Variants in PTPRG observed in about 807,000 individuals in gnomAD.
PTPRG encodes the protein protein tyrosine phosphatase receptor type G.
Under a neutral mutation model 165.3 loss-of-function variants are expected in PTPRG, and 102 were observed. The observed-to-expected ratio is 0.62, with a 90% CI of 0.53 to 0.73. The LOEUF is 0.73. Among genes scored for constraint, PTPRG ranks in the 30% least tolerant of loss-of-function variants. The pLI is 0.00. For synonymous variants in PTPRG, 675 were observed against 669.5 expected (o/e 1.01, Z -0.13); for missense variants, 1,866 against 1,861.4 (o/e 1.00, Z -0.05).
chr3:61,851,679 TGA>T (rs2036969095), intron 2 of PTPRG, among the ~76,000 whole-genome samples: 1 of 152,208 alleles, frequency 6.6e-6, no homozygotes, highest in South Asian at 2.1e-4. Context: ...TTAAAATGCC[TGA>T]GAATTGTCAT....
At chr3:62,090,020 G>A (rs773088651) in intron 5 of PTPRG, among the ~76,000 whole-genome samples, 1 of 152,130 alleles carries the variant, frequency 6.6e-6, no homozygotes, top group African/African-American at 2.4e-5. Flanking sequence ...ATTTAATATA[G>A]CCCTTTGGTT....
At position 62,218,955 on chromosome 3, in the gene PTPRG, C is replaced by A; in HGVS notation, c.2260C>A (p.Leu754Ile). The change falls in exon 13 of 30, where the codon CTT becomes ATT. Residue 754 changes from leucine (L) to isoleucine (I), a missense_variant. Physicochemically the swap from Leu to Ile is conservative, Grantham distance 5. Coordinates refer to ENST00000474889, the MANE Select transcript of PTPRG (RefSeq NM_002841.4). Reference protein sequence around the residue: ...VSALTFVCLILLIAVLVYWRG... With the variant: ...VSALTFVCLIILIAVLVYWRG... The stretch of plus-strand genomic sequence containing the variant: ...AGCCTTGACCTTCGTGTGCCTCATC[C>A]TTCTCATTGCTGTGCTCGTTTACTG... The A allele has an allele frequency of 1.9e-6, 3 of 1,614,100 alleles. No individual in the cohort carries two copies. Among genetic ancestry groups the A allele is most frequent in the Non-Finnish European group, 8.5e-7 (1 of 1,179,992 alleles).
chr3:61,864,474 C>T (rs1205860098), intron 2 of PTPRG, among the ~76,000 whole-genome samples: 1 of 152,118 alleles, frequency 6.6e-6, no homozygotes, highest in Non-Finnish European at 1.5e-5. Flanking sequence ...AGCAAAGTAA[C>T]GGAACTGAGC....
intron 10 of PTPRG, 46 bp from the exon 11 acceptor site, chr3:62,201,459 C>T (rs970951874): frequency 1.3e-6 from 2 of 1,493,292 alleles, no homozygotes; most frequent in Non-Finnish European, 9.2e-7. Context: ...TTGTTAGAGC[C>T]ACAAAAAAAG....
chr3:61,657,986 T>C (rs1342548312), intron 1 of PTPRG, among the ~76,000 whole-genome samples: 14 of 152,032 alleles, frequency 9.2e-5, no homozygotes, highest in Admixed American at 9.2e-4. Context: ...ACAGTGGTTA[T>C]GGTGCTTCCC....
Position 62,269,125 on chromosome 3 carries a change from T to TAC in PTPRG, c.2968_2969dup (p.Val991LeufsTer12). 6.2e-7 allele frequency: 1 copy of TAC among 1,601,918 alleles called. No individual in the cohort carries two copies. Among genetic ancestry groups the TAC allele is most frequent in the Non-Finnish European group, 8.5e-7 (1 of 1,171,122 alleles). On this transcript the variant is annotated frameshift_variant, in exon 20 of 30. Transcript: ENST00000474889. LOFTEE classifies it high-confidence loss of function. The stretch of plus-strand genomic sequence containing the variant: ...GAAGAGCACAAAAATACATGCCTGC[T>TAC]ACACTGTTCGTCGTTTTTCAATCAG...
At chr3:61,868,685 A>T (rs1050365003) in intron 2 of PTPRG, among the ~76,000 whole-genome samples, 1 of 152,214 alleles carries the variant, frequency 6.6e-6, no homozygotes, top group African/African-American at 2.4e-5. Flanking sequence ...GTAATGGGAC[A>T]GTTTTTTTGT....
Position 62,277,819 on chromosome 3 carries a change from CTG to C in PTPRG, c.3765+143_3765+144del. The C allele has an allele frequency of 4.9e-6, 5 of 1,023,554 alleles. 1 individual carries two copies. In the South Asian group the frequency reaches 8.6e-5, roughly 18 times the overall value. The allele number at this position is 1,023,554 out of a possible 1,614,324, so 63.4% of individuals were successfully genotyped here. A position where few individuals can be genotyped will look rare whatever the true frequency, so the allele number is the denominator to read the frequency against. ...AATTTTTAAATTCTCATCTTGAAGT[CTG>C]TGGAGATTCCTTTCATAGTCTCACA... On this transcript the variant is annotated intron_variant, in intron 26 of 29. Transcript: ENST00000474889.
chr3:62,190,218 C>A lies in PTPRG; in HGVS notation c.1034-1251C>A, dbSNP rs757074715. Among the ~76,000 whole-genome samples, 1 of 152,108 alleles carries A rather than the reference C, an allele frequency of 6.6e-6. No homozygotes were observed. The highest frequency in any genetic ancestry group is 2.4e-5 in the African/African-American group (1 of 41,414). On this transcript the variant is annotated intron_variant, in intron 8 of 29. Coordinates refer to ENST00000474889, the MANE Select transcript of PTPRG (RefSeq NM_002841.4). This position sits in a 1 kb window ranked among gnomAD's most constrained non-coding sequence, Gnocchi z 5.2. Reference sequence around the variant, plus strand: ...ATTTTTGGTTGTCACAAGTTGAGGACGGGGAGCAGAGCTACTGGCATCTAG... The same window carrying A: ...ATTTTTGGTTGTCACAAGTTGAGGAAGGGGAGCAGAGCTACTGGCATCTAG...
chr3:62,008,145 G>A (rs768908158), intron 4 of PTPRG, among the ~76,000 whole-genome samples: 11 of 152,232 alleles, frequency 7.2e-5, no homozygotes, highest in Middle Eastern at 3.4e-3. Context: ...TCTGTGGTTG[G>A]TAACTTAAAT....
intron 1 of PTPRG, among the ~76,000 whole-genome samples, chr3:61,606,331 C>G (rs113067761): frequency 0.045 from 6,889 of 152,266 alleles, 208 homozygotes; most frequent in Non-Finnish European, 0.063. Flanking sequence ...CCAAGGCCAA[C>G]AAGGTGGTGG....
At chr3:61,738,324 A>ATGTGTATATATATATGTATATATATGTG (rs1553657854) in intron 1 of PTPRG, among the ~76,000 whole-genome samples, 2 of 93,654 alleles carry the variant, frequency 2.1e-5, no homozygotes, top group African/African-American at 3.8e-5. Flanking sequence ...ATATATATAT[A>ATGTGTATATATATATGTATATATATGTG]TATATATATA....
chr3:61,965,487 CAAAAA>C (rs56210593), intron 2 of PTPRG, among the ~76,000 whole-genome samples: 3 of 80,200 alleles, frequency 3.7e-5, no homozygotes, highest in Non-Finnish European at 5.0e-5. Flanking sequence ...GACTCCGTCT[CAAAAA>C]AAAAAAAAAA....
At chr3:62,030,849 T>G (rs1699746700) in intron 4 of PTPRG, among the ~76,000 whole-genome samples, 1 of 152,212 alleles carries the variant, frequency 6.6e-6, no homozygotes, top group African/African-American at 2.4e-5. Flanking sequence ...GCCTCTGGAA[T>G]GGGGCAGGAA....
intron 1 of PTPRG, among the ~76,000 whole-genome samples, chr3:61,672,760 GAGA>G (rs1445919403): frequency 6.9e-5 from 7 of 102,030 alleles, no homozygotes; most frequent in African/African-American, 7.3e-5. Context: ...GAGGGAGAGG[GAGA>G]AGAGGGAGAG....
At chr3:62,041,910 C>T (rs1700141500) in intron 4 of PTPRG, among the ~76,000 whole-genome samples, 1 of 152,082 alleles carries the variant, frequency 6.6e-6, no homozygotes, top group African/African-American at 2.4e-5. Flanking sequence ...GAGTGCTGTG[C>T]CTGCATTATC....
intron 5 of PTPRG, among the ~76,000 whole-genome samples, chr3:62,121,784 T>A (rs775888969): frequency 2.0e-5 from 3 of 152,206 alleles, no homozygotes; most frequent in African/African-American, 7.2e-5. Context: ...GTAGACTACA[T>A]GCTCTATGAA....
intron 5 of PTPRG, chr3:62,124,302 G>C: frequency 1.3e-6 from 2 of 1,599,788 alleles, no homozygotes; most frequent in Non-Finnish European, 1.7e-6. Context: ...AGGGTGGTCA[G>C]CGGCATCCTG....
chr3:61,876,448 T>C (rs1048186268), intron 2 of PTPRG, among the ~76,000 whole-genome samples: 1 of 152,222 alleles, frequency 6.6e-6, no homozygotes, highest in Non-Finnish European at 1.5e-5. Flanking sequence ...GTTTTGATCA[T>C]TGTACTGTGG....
Sources: gnomAD v4.1 joint callset for allele counts (sites outside exome capture counted in the v4.1 genomes callset) on GRCh38, gnomAD v4.1.1 for gene constraint, Gnocchi (gnomAD v3.1) non-coding constraint, MANE v1.5 for transcripts, NCBI Gene and HGNC (gene_info 2026-07-23, HGNC 2026-07-21) for gene names.